IQGAP2: variants seen among roughly 807,000 people sequenced by gnomAD.
IQGAP2 encodes IQ motif containing GTPase activating protein 2, also known as ras GTPase-activating-like protein IQGAP2.
Under a neutral mutation model 201.3 loss-of-function variants are expected in IQGAP2, and 173 were observed. The ratio of observed to expected loss-of-function variants is 0.86; its 90% CI spans 0.76 to 0.98. The LOEUF is 0.98. Among genes scored for constraint, IQGAP2 ranks in the 50% least tolerant of loss-of-function variants. The pLI is 0.00. For missense variants in IQGAP2, 1,687 were observed against 1,864.8 expected (o/e 0.90, Z 1.76); for synonymous variants, 675 against 673.9 (o/e 1.00, Z -0.03).
chr5:76,678,121 T>G (rs1744985921), intron 28 of IQGAP2, among the ~76,000 whole-genome samples: 1 of 152,154 alleles, frequency 6.6e-6, no homozygotes, highest in Non-Finnish European at 1.5e-5. Context: ...AGAATATTCT[T>G]TTTATTCTAA....
At chr5:76,673,789 T>G (rs1475207699) in intron 25 of IQGAP2, 163 bp from the exon 26 acceptor site, 3 of 685,006 alleles carry the variant, frequency 4.4e-6, no homozygotes, top group Non-Finnish European at 7.5e-6. Context: ...CACAGCTCAG[T>G]TATTATCATC....
chr5:76,527,255 C>T (rs140726599), intron 2 of IQGAP2, among the ~76,000 whole-genome samples: 10 of 152,314 alleles, frequency 6.6e-5, no homozygotes, highest in African/African-American at 2.4e-4. Flanking sequence ...TTAAGGGGAA[C>T]AGATGGAGAC....
chr5:76,687,886 C>G (rs7706686), intron 30 of IQGAP2, among the ~76,000 whole-genome samples: 1 of 152,022 alleles, frequency 6.6e-6, no homozygotes, highest in South Asian at 2.1e-4. Context: ...ATAATAGAAA[C>G]AAAGTGCACA....
chr5:76,606,318 C>G lies in IQGAP2; in HGVS notation c.1357+15C>G, dbSNP rs752994702. 1.9e-6 allele frequency: 3 copies of G among 1,570,980 alleles called. No individual in the cohort carries two copies. Among genetic ancestry groups the G allele is most frequent in the African/African-American group, 1.4e-5 (1 of 73,516 alleles). On this transcript the variant is annotated intron_variant, in intron 12 of 35. Coordinates refer to ENST00000274364, the MANE Select transcript of IQGAP2 (RefSeq NM_006633.5). ...AGAAAATGACCGTAAGTATAAGACA[C>G]TTTCCTTCTCTAGCATAGTGGGAGA...
intron 30 of IQGAP2, among the ~76,000 whole-genome samples, chr5:76,691,019 T>G (rs1162071462): frequency 6.6e-6 from 1 of 152,208 alleles, no homozygotes; most frequent in Non-Finnish European, 1.5e-5. Flanking sequence ...CTACAAGGAT[T>G]ATATAACTTG....
chr5:76,608,369 T>G (rs1378420635), intron 12 of IQGAP2, among the ~76,000 whole-genome samples: 2 of 152,260 alleles, frequency 1.3e-5, no homozygotes, highest in Non-Finnish European at 2.9e-5. Context: ...TTAATTTATC[T>G]GTGTCTTGGT....
Position 76,637,678 on chromosome 5 carries a change from A to C in IQGAP2, c.1923+502A>C, listed in dbSNP as rs187213726. On this transcript the variant is annotated intron_variant, in intron 16 of 35. Transcript: ENST00000274364. ...CAAAGAACAGAGTTGGGCAAAGAGC[A>C]GGATGGGTAAACATTAAATGTTTGC... Among the ~76,000 whole-genome samples the C allele has an allele frequency of 1.6e-4, 25 of 152,350 alleles. No homozygotes were observed. In the East Asian group the frequency reaches 4.8e-3, roughly 29 times the overall value.
intron 31 of IQGAP2, 43 bp downstream of exon 31, chr5:76,693,485 A>G: frequency 8.2e-7 from 1 of 1,217,342 alleles, no homozygotes; most frequent in Non-Finnish European, 1.2e-6. Context: ...ACAGGTGTTG[A>G]TTTTCTTCAT....
chr5:76,570,645 T>C lies in IQGAP2; in HGVS notation c.369T>C (p.Ile123=). Residue 123 remains isoleucine (I), a synonymous_variant, in exon 4 of 36, where the codon ATT becomes ATC. Transcript: ENST00000274364. ...TVQWLRAMES[I]GLPKIFYPET... ...AGTGGTTAAGAGCGATGGAGTCTAT[T>C]GGTCTACCCAAGGTAAGCCTTCACG... 6.2e-7 allele frequency: 1 copy of C among 1,612,734 alleles called. No homozygotes were observed. Among genetic ancestry groups the C allele is most frequent in the African/African-American group, 1.3e-5 (1 of 75,028 alleles).
In IQGAP2 at chr5:76,403,551, A is replaced by C. The variant is rs1750626711; in HGVS notation, c.6A>C (p.Pro2=). The change falls in exon 1 of 36, where the codon CCA becomes CCC. Residue 2 remains proline (P), a synonymous_variant. Coordinates refer to ENST00000274364, the MANE Select transcript of IQGAP2 (RefSeq NM_006633.5). The surrounding 1 kb of genome is among the most constrained non-coding windows in gnomAD (Gnocchi z 4.8). ...GGCCCCCGGAGACGCGCAGGATGCC[A>C]CACGAAGAGCTGCCGTCGCTGCAGA... M[P]HEELPSLQRP... 1 of 1,532,566 alleles carries C rather than the reference A, an allele frequency of 6.5e-7. No individual in the cohort carries two copies. The highest frequency in any genetic ancestry group is 2.6e-5 in the East Asian group (1 of 37,900). The allele number at this position is 1,532,566 out of a possible 1,614,324, so 94.9% of individuals were successfully genotyped here.
chr5:76,693,086 G>A (rs1473328567), intron 30 of IQGAP2, among the ~76,000 whole-genome samples: 1 of 152,184 alleles, frequency 6.6e-6, no homozygotes, highest in East Asian at 1.9e-4. Context: ...ATTTAGAGAG[G>A]AAATCTTGTG....
chr5:76,706,731 C>A (rs1747937367), intron 35 of IQGAP2, among the ~76,000 whole-genome samples: 1 of 152,188 alleles, frequency 6.6e-6, no homozygotes, highest in African/African-American at 2.4e-5. Flanking sequence ...AATTATATAT[C>A]TGACATTAAC....
At position 76,665,075 on chromosome 5, in the gene IQGAP2, T is replaced by C; in HGVS notation, c.2579T>C (p.Met860Thr). 2 of 1,600,072 alleles carry C rather than the reference T, an allele frequency of 1.2e-6. No individual in the cohort carries two copies. Among genetic ancestry groups the C allele is most frequent in the Non-Finnish European group, 1.7e-6 (2 of 1,167,564 alleles). ...CTGAACAAGAAAAAAGGAGGAGAAA[T>C]GGAAATACTGAATAACACCGACAAC... ...KKLNKKKGGE[M>T]EILNNTDNQG... Residue 860 changes from methionine (M) to threonine (T), a missense_variant, in exon 22 of 36, where the codon ATG (methionine) becomes ACG (threonine). Coordinates refer to ENST00000274364, the MANE Select transcript of IQGAP2 (RefSeq NM_006633.5).
intron 3 of IQGAP2, 81 bp from the exon 4 acceptor site, chr5:76,570,499 G>A (rs1745036227): frequency 2.2e-6 from 2 of 902,182 alleles, no homozygotes; most frequent in African/African-American, 3.3e-5. Context: ...AAAGCATCCT[G>A]TACATGAAAA....
intron 2 of IQGAP2, among the ~76,000 whole-genome samples, chr5:76,496,725 T>TTTCTTTCTTTCTTTC (rs201757003): frequency 1.1e-5 from 1 of 93,588 alleles, no homozygotes; most frequent in Admixed American, 9.8e-5. Flanking sequence ...TCTTTCTTTC[T>TTTCTTTCTTTCTTTC]TTTCTTTCTT....
rs567284826 is a variant in IQGAP2, at chr5:76,647,818, A to T, written c.2095-4932A>T. On this transcript the variant is annotated intron_variant, in intron 17 of 35. Coordinates refer to ENST00000274364, the MANE Select transcript of IQGAP2 (RefSeq NM_006633.5). ...AGACAGTAACTGCTCTACTCTAGCCAAACACCACACACACACACACACACA... is the reference window on the plus strand; with the variant it reads ...AGACAGTAACTGCTCTACTCTAGCCTAACACCACACACACACACACACACA... Among the ~76,000 whole-genome samples, 6 of 125,176 alleles carry T rather than the reference A, an allele frequency of 4.8e-5. No individual in the cohort carries two copies. The South Asian group carries it at 1.8e-3, about 37-fold the overall frequency. 82.1% of individuals were successfully genotyped at this position (125,176 alleles called of 152,430 possible).
At chr5:76,662,151 G>A (rs990289400) in intron 21 of IQGAP2, among the ~76,000 whole-genome samples, 5 of 152,216 alleles carry the variant, frequency 3.3e-5, no homozygotes, top group Non-Finnish European at 1.5e-5. Flanking sequence ...TCTGGAGCAA[G>A]TCAGAACCTC....
At chr5:76,516,320 A>C (rs1758319369) in intron 2 of IQGAP2, among the ~76,000 whole-genome samples, 1 of 152,170 alleles carries the variant, frequency 6.6e-6, no homozygotes, top group African/African-American at 2.4e-5. Context: ...TTGTTTCAGT[A>C]TGTTTTACTG....
intron 28 of IQGAP2, among the ~76,000 whole-genome samples, chr5:76,682,083 A>G (rs1045834078): frequency 1.3e-5 from 2 of 152,148 alleles, no homozygotes; most frequent in Non-Finnish European, 2.9e-5. Context: ...GTGACTGCCA[A>G]TGGGTACCCG....
Sources: allele counts gnomAD v4.1 joint callset (sites outside exome capture counted in the v4.1 genomes callset), GRCh38; gene constraint gnomAD v4.1.1; non-coding constraint Gnocchi (gnomAD v3.1); transcripts MANE v1.5; gene names NCBI Gene and HGNC (gene_info 2026-07-23, HGNC 2026-07-21).